Variants in AACS observed in about 807,000 individuals in gnomAD.
AACS encodes acetoacetyl-CoA synthetase, also known as acetoacetate-CoA ligase.
A neutral mutation model predicts 83.1 loss-of-function variants in AACS; 69 were observed. The ratio of observed to expected loss-of-function variants is 0.83; its 90% CI spans 0.68 to 1.01. The LOEUF is 1.01. Ranked by LOEUF, AACS falls within the 50% of genes least tolerant of loss-of-function variation. AACS has a pLI of 0.00. For missense variants in AACS, 866 were observed against 882.2 expected, an observed-to-expected ratio of 0.98 and a Z score of 0.23; for synonymous variants, 333 against 343.4, an observed-to-expected ratio of 0.97 and a Z score of 0.33.
chr12:125,107,101 C>T lies in AACS; in HGVS notation c.768-20C>T. On this transcript the variant is annotated intron_variant, in intron 7 of 17. Transcript: ENST00000316519. ...ATTCTGGGACGTTCATGGCGTGTTT[C>T]CCTGCGTTTCGGCCCACAGTGTGTT... 6.2e-7 allele frequency: 1 copy of T among 1,613,966 alleles called. No individual in the cohort carries two copies. The highest frequency in any genetic ancestry group is 8.5e-7 in the Non-Finnish European group (1 of 1,180,008).
At chr12:125,131,631 CTTTTTA>C (rs964666697) in intron 14 of AACS, among the ~76,000 whole-genome samples, 2 of 151,974 alleles carry the variant, frequency 1.3e-5, no homozygotes, top group African/African-American at 2.4e-5. Context: ...TTCTTTATGG[CTTTTTA>C]TTTTTATTTT....
rs547897321 is a variant in AACS, at chr12:125,094,275, G to C, written c.570+2752G>C. 1.3e-5 allele frequency among the ~76,000 whole-genome samples: 2 copies of C among 152,182 alleles called. No homozygotes were observed. The highest frequency in any genetic ancestry group is 2.9e-5 in the Non-Finnish European group (2 of 68,030). ...CAGACTGTGCCCCATTTTCAGTAAGGGGCGCTCTTCAGAAACTGCAATGAA... is the reference window on the plus strand; with the variant it reads ...CAGACTGTGCCCCATTTTCAGTAAGCGGCGCTCTTCAGAAACTGCAATGAA... On this transcript the variant is annotated intron_variant, in intron 5 of 17. Transcript: ENST00000316519. The surrounding 1 kb of genome is among the most constrained non-coding windows in gnomAD (Gnocchi z 4.1).
At chr12:125,078,305 G>C (rs1426188133) in intron 3 of AACS, 3 of 456,062 alleles carry the variant, frequency 6.6e-6, no homozygotes, top group Admixed American at 2.4e-5. Context: ...AAGCCCATGG[G>C]CACTTCTGAT....
chr12:125,128,215 A>T lies in AACS; in HGVS notation c.1364A>T (p.Tyr455Phe). Reference protein sequence around the residue: ...FMGHNFSLPVYKGEIQARNLG... With the variant: ...FMGHNFSLPVFKGEIQARNLG... ...GGCCACAATTTTTCTCTTCCTGTGT[A>T]TAAAGGGGAGATTCAGGCCCGGAAC... The change falls in exon 13 of 18, where the codon TAT becomes TTT. Residue 455 changes from tyrosine to phenylalanine, a missense_variant. By Grantham distance (22) the Tyr-to-Phe change is conservative. Coordinates refer to ENST00000316519, the MANE Select transcript of AACS (RefSeq NM_023928.5). 6.2e-7 allele frequency: 1 copy of T among 1,613,242 alleles called. No individual in the cohort carries two copies. The highest frequency in any genetic ancestry group is 8.5e-7 in the Non-Finnish European group (1 of 1,179,416).
intron 17 of AACS, chr12:125,141,204 T>A (rs1593018390): frequency 1.3e-5 from 2 of 152,436 alleles, no homozygotes. Flanking sequence ...TTAGGAATGG[T>A]CTATGCCTGC....
chr12:125,118,835 C>G (rs1957104929), intron 10 of AACS, 70 bp downstream of exon 10: 1 of 1,582,140 alleles, frequency 6.3e-7, no homozygotes, highest in South Asian at 1.2e-5. Context: ...GGATCAGATG[C>G]AGAGCTGTGC....
At chr12:125,098,794 A>G (rs1413187955) in intron 5 of AACS, among the ~76,000 whole-genome samples, 1 of 152,150 alleles carries the variant, frequency 6.6e-6, no homozygotes, top group Non-Finnish European at 1.5e-5. Flanking sequence ...TAACACCACT[A>G]TTTATTTTGC....
At chr12:125,084,284 C>T (rs556113675) in intron 3 of AACS, among the ~76,000 whole-genome samples, 39 of 151,444 alleles carry the variant, frequency 2.6e-4, no homozygotes, top group Admixed American at 1.6e-3. Context: ...CACCACTGCA[C>T]ACCAGCCTGG....
rs73421879 is a variant in AACS at position 125,080,212 on chromosome 12, G to A, written c.358+3601G>A. Reference sequence around the variant, plus strand: ...CTGAGAAGGAGAACGAGAACGCTGCGTCTCTTTTCTTTTCCTCGTCTCTTT... The same window carrying A: ...CTGAGAAGGAGAACGAGAACGCTGCATCTCTTTTCTTTTCCTCGTCTCTTT... On this transcript the variant is annotated intron_variant, in intron 3 of 17. Coordinates refer to ENST00000316519, the MANE Select transcript of AACS (RefSeq NM_023928.5). 5.7e-3 allele frequency among the ~76,000 whole-genome samples: 868 copies of A among 152,222 alleles called. 14 individuals carry two copies. The highest frequency in any genetic ancestry group is 0.02 in the African/African-American group (837 of 41,514).
At chr12:125,102,639 T>G in intron 5 of AACS, 40 bp from the exon 6 acceptor site, 1 of 1,595,206 alleles carries the variant, frequency 6.3e-7, no homozygotes, top group South Asian at 1.1e-5. Context: ...GGTTTTTGCC[T>G]TTTGGATGAT....
At chr12:125,132,130 C>G (rs567317571) in intron 14 of AACS, among the ~76,000 whole-genome samples, 2 of 152,178 alleles carry the variant, frequency 1.3e-5, no homozygotes, top group Non-Finnish European at 2.9e-5. Flanking sequence ...AGGAAGACAT[C>G]GTTTCTGCGG....
intron 10 of AACS, chr12:125,123,162 G>C (rs1957183336): frequency 6.6e-6 from 1 of 152,300 alleles, no homozygotes; most frequent in Non-Finnish European, 1.5e-5. Context: ...GTTTTCTGGG[G>C]GTGGGCAGTG....
At chr12:125,135,255 C>T (rs1957385713) in intron 16 of AACS, among the ~76,000 whole-genome samples, 1 of 151,944 alleles carries the variant, frequency 6.6e-6, no homozygotes, top group South Asian at 2.1e-4. Flanking sequence ...CCACCATGCC[C>T]AGCTAGTTTT....
chr12:125,137,807 C>G (rs1054119569), intron 17 of AACS, among the ~76,000 whole-genome samples: 1 of 152,102 alleles, frequency 6.6e-6, no homozygotes, highest in Non-Finnish European at 1.5e-5. Context: ...GTATTTGAAG[C>G]CTATGGAATG....
intron 10 of AACS, chr12:125,123,262 A>G (rs1427475191): frequency 1.3e-5 from 2 of 152,312 alleles, no homozygotes; most frequent in African/African-American, 4.8e-5. Flanking sequence ...ACTGCTGCTC[A>G]GGGCCGGGTG....
chr12:125,066,079 A>G (rs1955682790), intron 1 of AACS, among the ~76,000 whole-genome samples: 1 of 152,152 alleles, frequency 6.6e-6, no homozygotes, highest in East Asian at 1.9e-4. Flanking sequence ...TCCCCCGGAC[A>G]TAGGGCCTTT....
At chr12:125,089,769 C>T (rs1241198621) in intron 4 of AACS, among the ~76,000 whole-genome samples, 2 of 151,980 alleles carry the variant, frequency 1.3e-5, no homozygotes, top group African/African-American at 2.4e-5. Flanking sequence ...TCCATCTATC[C>T]ATCCCTTCAT....
rs1330777039 is a variant in AACS at position 125,113,095 on chromosome 12, G to T, written c.916-1382G>T. Among the ~76,000 whole-genome samples the T allele has an allele frequency of 6.6e-6, 1 of 152,212 alleles. No individual in the cohort carries two copies. Among genetic ancestry groups the T allele is most frequent in the Non-Finnish European group, 1.5e-5 (1 of 68,040 alleles). On this transcript the variant is annotated intron_variant, in intron 8 of 17. Coordinates refer to ENST00000316519, the MANE Select transcript of AACS (RefSeq NM_023928.5). This position sits in a 1 kb window ranked among gnomAD's most constrained non-coding sequence, Gnocchi z 4.8. ...AAGCTTCAGTTGCTGCTGTTTGTGG[G>T]CTGGGTGGCGGTTGCCTGTTTGGGA...
At chr12:125,104,195 G>A (rs772692754) in intron 7 of AACS, among the ~76,000 whole-genome samples, 1 of 152,090 alleles carries the variant, frequency 6.6e-6, no homozygotes, top group Non-Finnish European at 1.5e-5. Flanking sequence ...TTTCCCTTGA[G>A]CCTTGGGTCG....
Sources: gnomAD v4.1 joint callset for allele counts (sites outside exome capture counted in the v4.1 genomes callset) on GRCh38, gnomAD v4.1.1 for gene constraint, Gnocchi (gnomAD v3.1) non-coding constraint, MANE v1.5 for transcripts, NCBI Gene and HGNC (gene_info 2026-07-23, HGNC 2026-07-21) for gene names.